GATA4: variants seen among roughly 807,000 people sequenced by gnomAD.
The protein encoded by GATA4 is GATA binding protein 4, also known as transcription factor GATA-4.
Under a neutral mutation model 37.9 loss-of-function variants are expected in GATA4, and 7 were observed. The ratio of observed to expected loss-of-function variants is 0.18; its 90% confidence interval spans 0.11 to 0.35. The LOEUF is 0.35. GATA4 is among the 10% of genes least tolerant of loss of function. The pLI is 1.00. For synonymous variants in GATA4, 372 were observed against 292.6 expected (o/e 1.27, Z -2.77); for missense variants, 647 against 653.0 (o/e 0.99, Z 0.10).
upstream of GATA4, among the ~76,000 whole-genome samples, chr8:11,699,482 G>A (rs908167484): frequency 6.6e-6 from 1 of 152,258 alleles, no homozygotes. Context: ...TGTTCTGGGT[G>A]GTGGGTGGCC....
At chr8:11,744,467 C>T (rs184292586) in intron 2 of GATA4, among the ~76,000 whole-genome samples, 1 of 152,338 alleles carries the variant, frequency 6.6e-6, no homozygotes, top group Non-Finnish European at 1.5e-5. Flanking sequence ...CACAGCTGTG[C>T]CCCCTGGCTT....
At chr8:11,747,428 T>C (rs1802088407) in intron 2 of GATA4, among the ~76,000 whole-genome samples, 1 of 152,204 alleles carries the variant, frequency 6.6e-6, no homozygotes, top group Admixed American at 6.5e-5. Flanking sequence ...GGCAGCCTTG[T>C]GGTAGCTGGG....
chr8:11,689,400 G>A (rs765824478), upstream of GATA4, among the ~76,000 whole-genome samples: 121 of 152,126 alleles, frequency 8.0e-4, 2 homozygotes, highest in African/African-American at 8.9e-4. Flanking sequence ...CAGAACAGCA[G>A]CATGCACCTG....
Position 11,758,524 on chromosome 8 carries a change from G to C in GATA4, c.*49G>C, listed in dbSNP as rs778346114. On this transcript the variant is annotated 3_prime_UTR_variant, in exon 7 of 7. Coordinates refer to ENST00000532059, the MANE Select transcript of GATA4 (RefSeq NM_001308093.3). ...TCCTGCACGGACCTGGGACTTGGAGGATAGCAAAGAAGGAGGCCCTGGGCT... is the reference window on the plus strand; with the variant it reads ...TCCTGCACGGACCTGGGACTTGGAGCATAGCAAAGAAGGAGGCCCTGGGCT... 1 of 1,601,982 alleles carries C rather than the reference G, an allele frequency of 6.2e-7. No individual in the cohort carries two copies. The highest frequency in any genetic ancestry group is 1.1e-5 in the South Asian group (1 of 90,786).
intron 5 of GATA4, among the ~76,000 whole-genome samples, chr8:11,755,930 C>T (rs1802540035): frequency 6.7e-6 from 1 of 149,108 alleles, no homozygotes; most frequent in Non-Finnish European, 1.5e-5. Context: ...AAAAGAAATA[C>T]ATTTAAAAAG....
At chr8:11,678,857 A>G (rs775563210) in intron 1 of GATA4, among the ~76,000 whole-genome samples, 1 of 152,080 alleles carries the variant, frequency 6.6e-6, no homozygotes, top group Non-Finnish European at 1.5e-5. Flanking sequence ...GTGATTTTGC[A>G]TTCTCAAGTT....
At chr8:11,742,265 A>T (rs1038420142) in intron 2 of GATA4, among the ~76,000 whole-genome samples, 1 of 151,796 alleles carries the variant, frequency 6.6e-6, no homozygotes, top group East Asian at 1.9e-4. Flanking sequence ...TCTCTTTGTC[A>T]TTTGTAAAAC....
At chr8:11,701,595 G>A (rs1259092404), upstream of GATA4, among the ~76,000 whole-genome samples, 1 of 152,172 alleles carries the variant, frequency 6.6e-6, no homozygotes, top group African/African-American at 2.4e-5. Flanking sequence ...GGGGGCGAGC[G>A]GAGAGCGAAG....
chr8:11,709,595 C>G lies in GATA4; in HGVS notation c.616+667C>G, dbSNP rs1037051867. Reference sequence around the variant, plus strand: ...GGCAGCGGGGGGGGGGGCGCACACGCCCGGTCAGTGTCCGGGAACATAGGG... The same window carrying G: ...GGCAGCGGGGGGGGGGGCGCACACGGCCGGTCAGTGTCCGGGAACATAGGG... On this transcript the variant is annotated intron_variant, in intron 2 of 6. Coordinates refer to ENST00000532059, the MANE Select transcript of GATA4 (RefSeq NM_001308093.3). This position sits in a 1 kb window ranked among gnomAD's most constrained non-coding sequence, Gnocchi z 4.3. Among the ~76,000 whole-genome samples the G allele has an allele frequency of 2.0e-5, 3 of 149,698 alleles. No homozygotes were observed. Among genetic ancestry groups the G allele is most frequent in the African/African-American group, 7.4e-5 (3 of 40,368 alleles).
intron 2 of GATA4, among the ~76,000 whole-genome samples, chr8:11,731,339 T>G (rs1801199249): frequency 6.6e-6 from 1 of 152,236 alleles, no homozygotes; most frequent in Non-Finnish European, 1.5e-5. Context: ...AGCCTAGGTG[T>G]CCATCCGTGG....
chr8:11,703,449 A>G (rs562534455), upstream of GATA4, among the ~76,000 whole-genome samples: 2 of 151,930 alleles, frequency 1.3e-5, no homozygotes, highest in African/African-American at 4.8e-5. Context: ...GCTCCCCTGG[A>G]CCGCCTGGCT....
chr8:11,711,582 A>G (rs568685561), intron 2 of GATA4, among the ~76,000 whole-genome samples: 2 of 152,092 alleles, frequency 1.3e-5, no homozygotes, highest in Non-Finnish European at 2.9e-5. Context: ...GTTCGAGGTC[A>G]GCCTGGGCAA....
At chr8:11,723,288 C>G (rs1010064796) in intron 2 of GATA4, among the ~76,000 whole-genome samples, 1 of 151,552 alleles carries the variant, frequency 6.6e-6, no homozygotes, top group Admixed American at 6.6e-5. Context: ...CCTGGGAGTT[C>G]GAGGCTGCAG....
At chr8:11,712,474 T>A (rs1800231497) in intron 2 of GATA4, among the ~76,000 whole-genome samples, 1 of 152,070 alleles carries the variant, frequency 6.6e-6, no homozygotes, top group African/African-American at 2.4e-5. Context: ...CATTTGGTCT[T>A]GAAGGGTGAG....
chr8:11,698,925 C>T (rs1199850088), intron 1 of GATA4, among the ~76,000 whole-genome samples: 1 of 152,232 alleles, frequency 6.6e-6, no homozygotes, highest in Non-Finnish European at 1.5e-5. Context: ...CCTCCCTCCA[C>T]TTCTGGCCAG....
At chr8:11,685,907 A>G (rs920205894) in intron 1 of GATA4, among the ~76,000 whole-genome samples, 5 of 152,140 alleles carry the variant, frequency 3.3e-5, no homozygotes, top group African/African-American at 1.2e-4. Context: ...GGTGGGGAGG[A>G]AAGTCAGAGC....
At chr8:11,739,081 A>G (rs980682809) in intron 2 of GATA4, among the ~76,000 whole-genome samples, 1 of 152,242 alleles carries the variant, frequency 6.6e-6, no homozygotes, top group Non-Finnish European at 1.5e-5. Context: ...AGGTGGAAAA[A>G]GTACTTTGTA....
chr8:11,696,966 T>A (rs1157750913), intron 1 of GATA4, among the ~76,000 whole-genome samples: 1 of 152,196 alleles, frequency 6.6e-6, no homozygotes, highest in Non-Finnish European at 1.5e-5. Context: ...GGGGTGGACT[T>A]TGCCCCTCAC....
At chr8:11,699,142 A>G (rs760303352) in intron 1 of GATA4, among the ~76,000 whole-genome samples, 3 of 152,226 alleles carry the variant, frequency 2.0e-5, no homozygotes, top group Non-Finnish European at 2.9e-5. Context: ...TTCACAGAGC[A>G]TACCTTTTGG....
Sources: allele counts gnomAD v4.1 joint callset (sites outside exome capture counted in the v4.1 genomes callset), GRCh38; gene constraint gnomAD v4.1.1; non-coding constraint Gnocchi (gnomAD v3.1); transcripts MANE v1.5; gene names NCBI Gene and HGNC (gene_info 2026-07-23, HGNC 2026-07-21).